Variants in EXOC5 observed in about 807,000 individuals in gnomAD.
EXOC5 encodes exocyst complex component 5.
Under a neutral mutation model 90.8 loss-of-function variants are expected in EXOC5, and 17 were observed. That is an observed-to-expected ratio of 0.19 (90% confidence interval 0.13 to 0.28). EXOC5 has a LOEUF of 0.28. Ranked by LOEUF, EXOC5 falls within the 10% of genes least tolerant of loss-of-function variation. The pLI is 1.00. For synonymous variants in EXOC5, 260 were observed against 270.0 expected, an observed-to-expected ratio of 0.96 and a Z score of 0.36; for missense variants, 569 against 830.6, an observed-to-expected ratio of 0.69 and a Z score of 3.87.
intron 1 of EXOC5, among the ~76,000 whole-genome samples, chr14:57,262,722 T>TATATATATAC (rs1884550093): frequency 2.7e-5 from 4 of 148,804 alleles, no homozygotes; most frequent in African/African-American, 9.8e-5. Context: ...TATATGTGTG[T>TATATATATAC]GTATATATAC....
At chr14:57,261,433 G>T (rs1357227837) in intron 1 of EXOC5, among the ~76,000 whole-genome samples, 2 of 152,144 alleles carry the variant, frequency 1.3e-5, no homozygotes, top group Non-Finnish European at 2.9e-5. Context: ...TTGGACTGGA[G>T]AACTCCAAAG....
rs1331035048 is a variant in EXOC5 at position 57,230,511 on chromosome 14, G to T, written c.1149-630C>A. 2.6e-5 allele frequency among the ~76,000 whole-genome samples: 4 copies of T among 151,766 alleles called. No homozygotes were observed. The East Asian group carries it at 7.7e-4, about 29-fold the overall frequency. On this transcript the variant is annotated intron_variant, in intron 11 of 17. Transcript: ENST00000621441. ...TCCCTTCCTTGCTACTACCTTTCAG[G>T]TATTACCTCTTACTACTAATTTTAA... is the stretch of plus-strand genomic sequence containing the variant.
rs541387373 is a variant in EXOC5, at chr14:57,225,390, A to G, written c.1297-2974T>C. ...TTAGTATCATACTTAATGGTGAACG[A>G]TTAAATAATTTATTCTTAAGATCAG... On this transcript the variant is annotated intron_variant, in intron 12 of 17. Coordinates refer to ENST00000621441, the MANE Select transcript of EXOC5 (RefSeq NM_006544.4). 7.6e-3 allele frequency among the ~76,000 whole-genome samples: 1,156 copies of G among 152,344 alleles called. 18 individuals are homozygous for G. Among genetic ancestry groups the G allele is most frequent in the African/African-American group, 0.026 (1,096 of 41,582 alleles).
At position 57,246,699 on chromosome 14, in the gene EXOC5, C is replaced by T. The variant is rs774726147; in HGVS notation, c.270+12G>A. ...CCTATATAAAATACCCATTTCTTAA[C>T]AAAACGTTTACCTGATTGCTTTTCT... On this transcript the variant is annotated intron_variant, in intron 3 of 17. Transcript: ENST00000621441. 1.9e-6 allele frequency: 3 copies of T among 1,605,800 alleles called. No individual in the cohort carries two copies. Among genetic ancestry groups the T allele is most frequent in the Admixed American group, 3.4e-5 (2 of 59,092 alleles).
chr14:57,258,612 G>A (rs1396518137), intron 1 of EXOC5, among the ~76,000 whole-genome samples: 1 of 152,106 alleles, frequency 6.6e-6, no homozygotes, highest in Non-Finnish European at 1.5e-5. Flanking sequence ...GGGGTTGATG[G>A]GTGCAGCAAA....
At chr14:57,237,282 T>C in intron 6 of EXOC5, 56 bp downstream of exon 6, 1 of 923,538 alleles carries the variant, frequency 1.1e-6, no homozygotes, top group Non-Finnish European at 1.7e-6. Context: ...GTTTTATTTT[T>C]ACACAAGTAG....
chr14:57,250,986 T>C (rs1405287221), intron 1 of EXOC5, among the ~76,000 whole-genome samples: 2 of 152,164 alleles, frequency 1.3e-5, no homozygotes, highest in Non-Finnish European at 2.9e-5. Flanking sequence ...ATGAGCATGG[T>C]TGTGTATCAA....
chr14:57,226,372 A>T (rs1331699851), intron 12 of EXOC5, among the ~76,000 whole-genome samples: 1 of 152,196 alleles, frequency 6.6e-6, no homozygotes, highest in Non-Finnish European at 1.5e-5. Context: ...TAGACTAAGT[A>T]AGTTAAACTA....
intron 1 of EXOC5, among the ~76,000 whole-genome samples, chr14:57,250,643 T>C (rs1437180552): frequency 6.6e-6 from 1 of 152,120 alleles, no homozygotes; most frequent in Non-Finnish European, 1.5e-5. Context: ...CAAACCAATA[T>C]GTCCATGAGC....
At chr14:57,220,279 C>T (rs899309489) in intron 13 of EXOC5, among the ~76,000 whole-genome samples, 1 of 146,976 alleles carries the variant, frequency 6.8e-6, no homozygotes, top group Admixed American at 6.8e-5. Context: ...AACAAATGAA[C>T]TTTACAAGAG....
intron 15 of EXOC5, among the ~76,000 whole-genome samples, chr14:57,216,933 AT>A (rs1160646962): frequency 6.6e-6 from 1 of 152,216 alleles, no homozygotes; most frequent in Non-Finnish European, 1.5e-5. Flanking sequence ...TAGCAAAAAA[AT>A]AAATGATCCA....
In EXOC5 at chr14:57,207,087, T is replaced by C. The variant is rs956905144; in HGVS notation, c.*1522A>G. The C allele has an allele frequency of 7.2e-5, 11 of 152,602 alleles. No individual in the cohort carries two copies. The highest frequency in any genetic ancestry group is 2.4e-4 in the African/African-American group (10 of 41,548). The allele number at this position is 152,602 out of a possible 1,614,324, so 9.5% of individuals were successfully genotyped here. A position where few individuals can be genotyped will look rare whatever the true frequency, so the allele number is the denominator to read the frequency against. The stretch of plus-strand genomic sequence containing the variant: ...GCTGCCATAATGTCCTAAAATGCTC[T>C]GAAAGAAGTTGGTATACTTCATTCC... On this transcript the variant is annotated 3_prime_UTR_variant, in exon 18 of 18. Transcript: ENST00000621441.
chr14:57,245,551 A>C (rs549279729), intron 3 of EXOC5, among the ~76,000 whole-genome samples: 1 of 152,294 alleles, frequency 6.6e-6, no homozygotes, highest in East Asian at 1.9e-4. Flanking sequence ...AACTGCATTA[A>C]AAGTATTTAG....
At chr14:57,246,379 C>G (rs531920235) in intron 3 of EXOC5, among the ~76,000 whole-genome samples, 1 of 152,244 alleles carries the variant, frequency 6.6e-6, no homozygotes, top group South Asian at 2.1e-4. Flanking sequence ...CCTAAATATC[C>G]AAGCTAATAA....
At position 57,229,684 on chromosome 14, in the gene EXOC5, G is replaced by T. The variant is rs185633030; in HGVS notation, c.1296+50C>A. The stretch of plus-strand genomic sequence containing the variant: ...GAGGTTCTGGAATCAATTCCCCACA[G>T]ATATCAAGGAACAACTGTATATGTA... On this transcript the variant is annotated intron_variant, in intron 12 of 17. Transcript: ENST00000621441. 2.9e-4 allele frequency: 379 copies of T among 1,324,040 alleles called. No individual in the cohort carries two copies. The African/African-American group carries it at 4.8e-3, about 17-fold the overall frequency. 82.0% of individuals were successfully genotyped at this position (1,324,040 alleles called of 1,614,324 possible).
In EXOC5 at chr14:57,244,191, A is replaced by T. The variant is rs767410971; in HGVS notation, c.439T>A (p.Ser147Thr). ...TTTTCAGAATTTGTAAAAACATCAG[A>T]TTTCAATTCTCCATCTAGAAACTCA... ...FNEFLDGELK[S>T]DVFTNSEKIK... The change falls in exon 4 of 18, where the codon TCT becomes ACT. Residue 147 changes from serine to threonine, a missense_variant. Physicochemically the swap from Ser to Thr is moderately conservative, Grantham distance 58 (BLOSUM62 1). Transcript: ENST00000621441. 3 of 1,613,578 alleles carry T rather than the reference A, an allele frequency of 1.9e-6. No individual in the cohort carries two copies. The highest frequency in any genetic ancestry group is 2.5e-6 in the Non-Finnish European group (3 of 1,179,574).
At chr14:57,230,522 T>TA (rs1883452562) in intron 11 of EXOC5, among the ~76,000 whole-genome samples, 1 of 152,114 alleles carries the variant, frequency 6.6e-6, no homozygotes, top group Admixed American at 6.5e-5. Context: ...TATTACCTCT[T>TA]ACTACTAATT....
Position 57,265,044 on chromosome 14 carries a change from TCTC to T in EXOC5, c.27+3575_27+3577del, listed in dbSNP as rs1298399618. On this transcript the variant is annotated intron_variant, in intron 1 of 17. Coordinates refer to ENST00000621441, the MANE Select transcript of EXOC5 (RefSeq NM_006544.4). ...GTGAAAAAAGTTGGGGAAATGGACT[TCTC>T]ATCATCTTTAACATATTAAGGTATA... is the stretch of plus-strand genomic sequence containing the variant. Among the ~76,000 whole-genome samples, 14 of 151,750 alleles carry T rather than the reference TCTC, an allele frequency of 9.2e-5. No individual in the cohort carries two copies. The South Asian group carries it at 1.0e-3, about 11-fold the overall frequency.
intron 12 of EXOC5, among the ~76,000 whole-genome samples, chr14:57,224,481 TAC>T (rs1883245039): frequency 1.3e-5 from 2 of 152,208 alleles, no homozygotes; most frequent in Admixed American, 6.5e-5. Flanking sequence ...TTATGTGAAC[TAC>T]ACAAATGCTT....
Sources: gnomAD v4.1 joint callset for allele counts (sites outside exome capture counted in the v4.1 genomes callset) on GRCh38, gnomAD v4.1.1 for gene constraint, MANE v1.5 for transcripts, NCBI Gene and HGNC (gene_info 2026-07-23, HGNC 2026-07-21) for gene names.